ST8SIA2: variants seen among roughly 807,000 people sequenced by gnomAD.
ST8SIA2 encodes the protein alpha-2,8-sialyltransferase 8B.
In ST8SIA2, 22 loss-of-function variants were observed where a neutral mutation model predicts 37.6. That is an observed-to-expected ratio of 0.58 (90% confidence interval 0.42 to 0.83). The LOEUF (loss-of-function observed/expected upper bound fraction) is 0.83, where lower values mean the gene tolerates loss of function less well. ST8SIA2 is among the 40% of genes least tolerant of loss of function. The pLI, the probability that ST8SIA2 is intolerant of heterozygous loss-of-function variation, is 0.00. For missense variants in ST8SIA2, 382 were observed against 484.7 expected, an observed-to-expected ratio of 0.79 and a Z score of 1.99; for synonymous variants, 205 against 201.2, an observed-to-expected ratio of 1.02 and a Z score of -0.16.
At chr15:92,456,530 G>T (rs113298816) in intron 5 of ST8SIA2, among the ~76,000 whole-genome samples, 1 of 152,192 alleles carries the variant, frequency 6.6e-6, no homozygotes, top group Non-Finnish European at 1.5e-5. Context: ...CCAGTGTAGC[G>T]TGATAGGTGC....
intron 1 of ST8SIA2, among the ~76,000 whole-genome samples, chr15:92,406,885 T>C (rs1415284138): frequency 1.3e-5 from 2 of 151,222 alleles, no homozygotes; most frequent in African/African-American, 2.4e-5. Flanking sequence ...TCTCAGCTAC[T>C]CAGGAGGCTG....
chr15:92,403,676 T>C (rs1433628756), intron 1 of ST8SIA2, among the ~76,000 whole-genome samples: 1 of 152,080 alleles, frequency 6.6e-6, no homozygotes, highest in Non-Finnish European at 1.5e-5. Context: ...GCGGGAGGCA[T>C]AAGATGTCTG....
intron 2 of ST8SIA2, among the ~76,000 whole-genome samples, chr15:92,432,868 A>G (rs991180824): frequency 2.0e-5 from 3 of 152,206 alleles, no homozygotes; most frequent in Non-Finnish European, 1.5e-5. Flanking sequence ...ATGGTGGCTC[A>G]TGCCTGTAAT....
chr15:92,438,054 G>A (rs548186590), intron 3 of ST8SIA2, among the ~76,000 whole-genome samples: 8 of 152,250 alleles, frequency 5.3e-5, no homozygotes, highest in South Asian at 4.1e-4. Context: ...TCTGGGGCCC[G>A]CTGTGAGGAG....
chr15:92,394,258 G>T, intron 1 of ST8SIA2, 96 bp downstream of exon 1: 2 of 1,098,328 alleles, frequency 1.8e-6, no homozygotes, highest in South Asian at 1.3e-5. Flanking sequence ...TGTGCGCCGC[G>T]CCCCGCTGTA....
chr15:92,425,657 G>C (rs958516763), intron 1 of ST8SIA2, among the ~76,000 whole-genome samples: 5 of 152,220 alleles, frequency 3.3e-5, no homozygotes, highest in African/African-American at 1.2e-4. Flanking sequence ...AAACTGGTAA[G>C]AGCCTTTATT....
chr15:92,428,156 T>C (rs1469357666), intron 1 of ST8SIA2, among the ~76,000 whole-genome samples: 1 of 152,160 alleles, frequency 6.6e-6, no homozygotes, highest in East Asian at 1.9e-4. Context: ...AACTTTGTAA[T>C]CAAGACATGA....
intron 1 of ST8SIA2, among the ~76,000 whole-genome samples, chr15:92,427,431 A>G (rs1170989785): frequency 6.6e-6 from 1 of 152,198 alleles, no homozygotes; most frequent in African/African-American, 2.4e-5. Flanking sequence ...ATATATTGGT[A>G]TCCTCATCCA....
At chr15:92,423,681 C>T (rs2049653555) in intron 1 of ST8SIA2, among the ~76,000 whole-genome samples, 1 of 152,234 alleles carries the variant, frequency 6.6e-6, no homozygotes, top group Non-Finnish European at 1.5e-5. Context: ...TCCCAAAAGT[C>T]CTCTTTATAG....
intron 1 of ST8SIA2, among the ~76,000 whole-genome samples, chr15:92,408,248 C>T (rs2049522574): frequency 6.6e-6 from 1 of 151,956 alleles, no homozygotes; most frequent in African/African-American, 2.4e-5. Context: ...TGCCTTAGGC[C>T]CAAGAAGACC....
intron 1 of ST8SIA2, among the ~76,000 whole-genome samples, chr15:92,409,011 G>A (rs568278693): frequency 1.2e-4 from 19 of 152,246 alleles, no homozygotes; most frequent in Middle Eastern, 3.4e-3. Flanking sequence ...GCTGAGTACC[G>A]TCTTATTTAG....
intron 1 of ST8SIA2, among the ~76,000 whole-genome samples, chr15:92,400,866 C>T (rs2049465180): frequency 6.6e-6 from 1 of 152,188 alleles, no homozygotes; most frequent in African/African-American, 2.4e-5. Flanking sequence ...CGTGCAAGGG[C>T]TGGTCCCCAG....
At chr15:92,445,799 A>G (rs1354133988) in intron 5 of ST8SIA2, among the ~76,000 whole-genome samples, 1 of 152,190 alleles carries the variant, frequency 6.6e-6, no homozygotes, top group Admixed American at 6.5e-5. Flanking sequence ...AACTATTCCT[A>G]TCAAGAAGTC....
chr15:92,416,588 G>T (rs559496041), intron 1 of ST8SIA2, among the ~76,000 whole-genome samples: 1 of 152,142 alleles, frequency 6.6e-6, no homozygotes. Context: ...TATGGCCTAA[G>T]GGGTACTTCA....
At chr15:92,405,582 T>G (rs2049502821) in intron 1 of ST8SIA2, among the ~76,000 whole-genome samples, 1 of 152,158 alleles carries the variant, frequency 6.6e-6, no homozygotes, top group Non-Finnish European at 1.5e-5. Context: ...AAGAGCACAG[T>G]TGTGATTTTC....
chr15:92,439,600 G>C (rs2049786304), intron 4 of ST8SIA2, among the ~76,000 whole-genome samples: 1 of 152,172 alleles, frequency 6.6e-6, no homozygotes, highest in South Asian at 2.1e-4. Context: ...CCCTATTGTA[G>C]AGTTCCCTAA....
chr15:92,398,923 G>A (rs1342459798), intron 1 of ST8SIA2, among the ~76,000 whole-genome samples: 2 of 152,220 alleles, frequency 1.3e-5, no homozygotes, highest in African/African-American at 2.4e-5. Context: ...TCTGGCCTTA[G>A]TAGTTTCTCC....
intron 1 of ST8SIA2, among the ~76,000 whole-genome samples, chr15:92,400,726 C>T (rs1295061710): frequency 6.6e-6 from 1 of 152,144 alleles, no homozygotes; most frequent in Non-Finnish European, 1.5e-5. Flanking sequence ...TCCAGCCCTC[C>T]ACTGCCCACA....
In ST8SIA2 at chr15:92,444,624, T is replaced by C; in HGVS notation, c.549-12T>C. 1 of 1,614,208 alleles carries C rather than the reference T, an allele frequency of 6.2e-7. No homozygotes were observed. Among genetic ancestry groups the C allele is most frequent in the Non-Finnish European group, 8.5e-7 (1 of 1,180,030 alleles). On this transcript the variant is annotated splice_polypyrimidine_tract_variant and intron_variant, in intron 4 of 5. Transcript: ENST00000268164. ...TTTCCCAAAAGGATCATGTTGCCTT[T>C]TTCTCCGGCAGGTGCAACCTGGCCC...
Sources: allele counts gnomAD v4.1 joint callset (sites outside exome capture counted in the v4.1 genomes callset), GRCh38; gene constraint gnomAD v4.1.1; transcripts MANE v1.5; gene names NCBI Gene and HGNC (gene_info 2026-07-23, HGNC 2026-07-21).